The following UGT2A2 variants were observed in gnomAD, a reference collection of about 807,000 sequenced individuals.
UGT2A2 encodes UDP-glucuronosyltransferase 2A2.
In UGT2A2, 60 loss-of-function variants were observed where a neutral mutation model predicts 50.7. The observed-to-expected ratio is 1.18, with a 90% CI of 0.96 to 1.47. The LOEUF is 1.47. Among genes scored for constraint, UGT2A2 ranks in the 40% most tolerant of loss-of-function variants. The pLI is 0.00. For missense variants in UGT2A2, 762 were observed against 634.0 expected (o/e 1.20, Z -2.17); for synonymous variants, 242 against 214.6 (o/e 1.13, Z -1.11).
At chr4:69,594,779 G>A (rs1316068566) in intron 4 of UGT2A2, 83 bp from the exon 5 acceptor site, 1 of 1,450,838 alleles carries the variant, frequency 6.9e-7, no homozygotes, top group Non-Finnish European at 9.3e-7. Context: ...TCAAAAAGCT[G>A]TAATGTAACT....
At chr4:69,629,554 A>C (rs1435994546) in intron 1 of UGT2A2, among the ~76,000 whole-genome samples, 8 of 152,102 alleles carry the variant, frequency 5.3e-5, no homozygotes, top group Non-Finnish European at 1.0e-4. Flanking sequence ...GAGGTTAGTC[A>C]AACAGGCTCT....
chr4:69,588,763 G>C lies in UGT2A2; in HGVS notation c.*609C>G, dbSNP rs897522568. ...AAGAAAGGCAGGCAAGTTATGCCGT[G>C]ATTTTCTAGATATGCTTAATGAAAA... On this transcript the variant is annotated 3_prime_UTR_variant, in exon 6 of 6. Coordinates refer to ENST00000604629, the MANE Select transcript of UGT2A2 (RefSeq NM_001105677.2). The C allele has an allele frequency of 3.9e-5, 6 of 152,002 alleles. No homozygotes were observed. The highest frequency in any genetic ancestry group is 3.9e-4 in the Admixed American group (6 of 15,240). The allele number at this position is 152,002 out of a possible 1,614,324, so 9.4% of individuals were successfully genotyped here. A position where few individuals can be genotyped will look rare whatever the true frequency, so the allele number is the denominator to read the frequency against.
chr4:69,639,352 C>CA lies in UGT2A2; in HGVS notation c.288dup (p.Glu97Ter), dbSNP rs1364110861. 1.9e-5 allele frequency: 30 copies of CA among 1,613,642 alleles called. No individual in the cohort carries two copies. Among genetic ancestry groups the CA allele is most frequent in the Non-Finnish European group, 2.5e-5 (30 of 1,179,742 alleles). On this transcript the variant is annotated frameshift_variant, in exon 1 of 6. Coordinates refer to ENST00000604629, the MANE Select transcript of UGT2A2 (RefSeq NM_001105677.2). LOFTEE classifies it high-confidence loss of function. The stretch of plus-strand genomic sequence containing the variant: ...TCAATCCACAGCATTATCATATGCT[C>CA]AATTAAGGAATCTATATTGCTCTTC...
rs1230395548 is a variant in UGT2A2 at position 69,594,493 on chromosome 4, CTG to C, written c.1313_1314del (p.Thr438SerfsTer3). On this transcript the variant is annotated frameshift_variant, in exon 5 of 6. Coordinates refer to ENST00000604629, the MANE Select transcript of UGT2A2 (RefSeq NM_001105677.2). LOFTEE classifies it high-confidence loss of function. ...AGTACTTACGAAGGTTCATTAATGA[CTG>C]TTCTCAAAGCGCTAAGCAAATCCAC... Reference protein sequence around the residue: ...TSVDLLSALRTVINEPSYKEN... With the variant: ...TSVDLLSALRXVINEPSYKEN... The C allele has an allele frequency of 6.2e-7, 1 of 1,614,104 alleles. No homozygotes were observed. The highest frequency in any genetic ancestry group is 8.5e-7 in the Non-Finnish European group (1 of 1,179,998).
In UGT2A2 at chr4:69,602,907, A is replaced by G. The variant is rs994813201; in HGVS notation, c.743-3513T>C. Among the ~76,000 whole-genome samples the G allele has an allele frequency of 2.2e-5, 3 of 134,612 alleles. 1 individual carries two copies. Among genetic ancestry groups the G allele is most frequent in the Non-Finnish European group, 4.7e-5 (3 of 63,772 alleles). The allele number at this position is 134,612 out of a possible 152,430, so 88.3% of individuals were successfully genotyped here. ...ATGGTGAAACCCCGTCTCTACTAAA[A>G]ATACAAAAAAATTAGCCGGGCGTGG... On this transcript the variant is annotated intron_variant, in intron 1 of 5. Coordinates refer to ENST00000604629, the MANE Select transcript of UGT2A2 (RefSeq NM_001105677.2).
intron 5 of UGT2A2, among the ~76,000 whole-genome samples, chr4:69,590,085 C>G (rs1006665857): frequency 2.0e-5 from 3 of 152,126 alleles, no homozygotes; most frequent in African/African-American, 7.2e-5. Flanking sequence ...AATTGGCAGT[C>G]AGCATTAGTG....
rs375196511 is a variant in UGT2A2 at position 69,639,420 on chromosome 4, G to A, written c.221C>T (p.Pro74Leu). ...SSATLFINSN[P>L]DSPVNFEVIP... ...CACTTCAAAATTCACAGGAGAATCG[G>A]GATTGGAGTTGATGAATAGAGTTGC... The change falls in exon 1 of 6, where the codon CCC becomes CTC. Residue 74 changes from proline (P) to leucine (L), a missense_variant. By Grantham distance (98) the Pro-to-Leu change is moderately conservative (BLOSUM62 -3). Transcript: ENST00000604629. The A allele has an allele frequency of 1.9e-6, 3 of 1,613,200 alleles. No individual in the cohort carries two copies. Among genetic ancestry groups the A allele is most frequent in the Non-Finnish European group, 1.7e-6 (2 of 1,179,558 alleles).
intron 1 of UGT2A2, among the ~76,000 whole-genome samples, chr4:69,624,908 G>A (rs528458507): frequency 9.1e-4 from 137 of 150,920 alleles, no homozygotes; most frequent in African/African-American, 3.0e-3. Flanking sequence ...CGTCTAGATC[G>A]AAATTTTTAC....
intron 1 of UGT2A2, 57 bp from the exon 2 acceptor site, chr4:69,599,451 G>GA (rs1014011615): frequency 2.5e-5 from 40 of 1,572,450 alleles, no homozygotes; most frequent in Middle Eastern, 1.7e-4. Context: ...TTGCTGAGGA[G>GA]AAAAAAAAGC....
chr4:69,620,048 G>A (rs1337482798), intron 1 of UGT2A2, among the ~76,000 whole-genome samples: 1 of 152,050 alleles, frequency 6.6e-6, no homozygotes, highest in Non-Finnish European at 1.5e-5. Context: ...GGGAAAAGCT[G>A]TAAGCATTTT....
chr4:69,603,541 C>A (rs531664182), intron 1 of UGT2A2: 1 of 137,056 alleles, frequency 7.3e-6, no homozygotes, highest in South Asian at 2.4e-4. Context: ...CAGCTCCTCA[C>A]ACGCAACAGA....
intron 3 of UGT2A2, among the ~76,000 whole-genome samples, 192 bp downstream of exon 3, chr4:69,596,058 A>G (rs974080097): frequency 5.9e-5 from 9 of 152,230 alleles, no homozygotes; most frequent in Non-Finnish European, 1.2e-4. Flanking sequence ...AATAATGCCA[A>G]GGCTCAGTAG....
intron 5 of UGT2A2, among the ~76,000 whole-genome samples, chr4:69,590,021 A>G (rs1253285286): frequency 6.6e-6 from 1 of 152,226 alleles, no homozygotes; most frequent in Non-Finnish European, 1.5e-5. Context: ...ATCATTTAAG[A>G]CATACATAAA....
At chr4:69,618,524 A>G (rs1412740023) in intron 1 of UGT2A2, among the ~76,000 whole-genome samples, 1 of 151,936 alleles carries the variant, frequency 6.6e-6, no homozygotes, top group Admixed American at 6.6e-5. Flanking sequence ...TATTTTAACC[A>G]TGTGGCCGTT....
Position 69,588,976 on chromosome 4 carries a change from C to T in UGT2A2, c.*396G>A, listed in dbSNP as rs1387345735. On this transcript the variant is annotated 3_prime_UTR_variant, in exon 6 of 6. Coordinates refer to ENST00000604629, the MANE Select transcript of UGT2A2 (RefSeq NM_001105677.2). ...ATGGAAATTTGTGAATTTGACTCTT[C>T]CTTACACCTATCAAATTCCATCTAC... is the stretch of plus-strand genomic sequence containing the variant. 6.2e-6 allele frequency: 1 copy of T among 161,956 alleles called. No individual in the cohort carries two copies. Among genetic ancestry groups the T allele is most frequent in the Non-Finnish European group, 1.4e-5 (1 of 73,470 alleles). 10.0% of individuals were successfully genotyped at this position (161,956 alleles called of 1,614,324 possible).
intron 1 of UGT2A2, among the ~76,000 whole-genome samples, chr4:69,627,284 A>T (rs1158787319): frequency 3.3e-5 from 5 of 151,898 alleles, no homozygotes; most frequent in Non-Finnish European, 5.9e-5. Context: ...AAAAAATCAA[A>T]TCCACTGCTT....
intron 5 of UGT2A2, among the ~76,000 whole-genome samples, chr4:69,592,207 G>A (rs992508403): frequency 6.6e-6 from 1 of 152,052 alleles, no homozygotes; most frequent in African/African-American, 2.4e-5. Context: ...CTCCTCTCCT[G>A]AATCTCAGCC....
At chr4:69,605,944 CA>C (rs567330470) in intron 1 of UGT2A2, among the ~76,000 whole-genome samples, 1 of 135,778 alleles carries the variant, frequency 7.4e-6, no homozygotes, top group Non-Finnish European at 1.6e-5. Context: ...GCTTAGCAAC[CA>C]AAAAAAGTCC....
At chr4:69,631,785 A>G (rs1330395818) in intron 1 of UGT2A2, among the ~76,000 whole-genome samples, 1 of 152,186 alleles carries the variant, frequency 6.6e-6, no homozygotes, top group Non-Finnish European at 1.5e-5. Flanking sequence ...ACTAGGCTCC[A>G]CTGATGCTGG....
Sources: allele counts gnomAD v4.1 joint callset (sites outside exome capture counted in the v4.1 genomes callset), GRCh38; gene constraint gnomAD v4.1.1; transcripts MANE v1.5; gene names NCBI Gene and HGNC (gene_info 2026-07-23, HGNC 2026-07-21).